The following ASIC2 variants were observed in gnomAD, a reference collection of about 807,000 sequenced individuals.
The protein encoded by ASIC2 is acid sensing ion channel subunit 2, also known as acid-sensing ion channel 2.
In ASIC2, 25 loss-of-function variants were observed where a neutral mutation model predicts 57.3. That is an observed-to-expected ratio of 0.44 (90% CI 0.32 to 0.61). ASIC2 has a LOEUF of 0.61. Among genes scored for constraint, ASIC2 ranks in the 20% least tolerant of loss-of-function variants. The pLI is 0.06. For synonymous variants in ASIC2, 319 were observed against 307.5 expected (o/e 1.04, Z -0.39); for missense variants, 641 against 738.1 (o/e 0.87, Z 1.52).
At chr17:33,790,706 G>A (rs1911744616) in intron 1 of ASIC2, among the ~76,000 whole-genome samples, 2 of 152,008 alleles carry the variant, frequency 1.3e-5, no homozygotes, top group Non-Finnish European at 2.9e-5. Context: ...ACACATCTCA[G>A]ATATACATTA....
chr17:33,755,234 A>G (rs1211831654), intron 1 of ASIC2, among the ~76,000 whole-genome samples: 2 of 152,164 alleles, frequency 1.3e-5, no homozygotes, highest in South Asian at 2.1e-4. Flanking sequence ...AGCCACCAAA[A>G]AGCTGTAAGA....
At chr17:33,791,754 T>C (rs2142137133) in intron 1 of ASIC2, 1 of 152,006 alleles carries the variant, frequency 6.6e-6, no homozygotes, top group South Asian at 2.1e-4. Flanking sequence ...CATTTATTTC[T>C]TTAAAGTGCT....
chr17:33,305,919 C>T (rs573963116), intron 1 of ASIC2, among the ~76,000 whole-genome samples: 2 of 152,282 alleles, frequency 1.3e-5, no homozygotes, highest in South Asian at 4.1e-4. Context: ...AAAAGCTTCC[C>T]TATAGCCATT....
chr17:33,357,788 A>T (rs60620763), intron 1 of ASIC2, among the ~76,000 whole-genome samples: 26,671 of 152,068 alleles, frequency 0.18, 3,009 homozygotes, highest in East Asian at 0.49. Context: ...TATATAATAA[A>T]CTTCCATTAT....
intron 1 of ASIC2, among the ~76,000 whole-genome samples, chr17:33,779,286 G>T (rs763216083): frequency 6.6e-6 from 1 of 152,066 alleles, no homozygotes; most frequent in Non-Finnish European, 1.5e-5. Context: ...CAGTTCTTCA[G>T]CTGCCCTCCA....
At chr17:33,021,108 G>T in intron 7 of ASIC2, 111 bp downstream of exon 7, 2 of 720,866 alleles carry the variant, frequency 2.8e-6, no homozygotes, top group Non-Finnish European at 2.3e-6. Context: ...CAAAAGGTTA[G>T]ACTCCTCCGA....
chr17:33,358,057 CT>C (rs1908454691), intron 1 of ASIC2, among the ~76,000 whole-genome samples: 2 of 152,184 alleles, frequency 1.3e-5, no homozygotes, highest in African/African-American at 4.8e-5. Flanking sequence ...TATTCTGGAT[CT>C]GGGGGTTGGC....
Position 33,291,449 on chromosome 17 carries a change from T to G in ASIC2, c.667A>C (p.Lys223Gln), listed in dbSNP as rs1905441359. 6.2e-7 allele frequency: 1 copy of G among 1,610,880 alleles called. No individual in the cohort carries two copies. The highest frequency in any genetic ancestry group is 8.5e-7 in the Non-Finnish European group (1 of 1,179,010). ...HQLEDMLLSC[K>Q]YRGELCGPHN... ...GGCCCGCAGAGCTCGCCGCGGTACT[T>G]GCAGGAGAGCAGCATGTCCTCCAGC... is the stretch of plus-strand genomic sequence containing the variant. The change falls in exon 1 of 10, where the codon AAG (lysine) becomes CAG (glutamine). Residue 223 changes from lysine to glutamine, a missense_variant. Lys to Gln is a moderately conservative substitution (Grantham distance 53). This residue lies in a region of ASIC2 where 382 missense variants were observed against 398.0 expected (regional missense o/e 0.96). Coordinates refer to ENST00000225823, the MANE Select transcript of ASIC2 (RefSeq NM_183377.2).
At chr17:33,603,154 A>T (rs12453342) in intron 1 of ASIC2, among the ~76,000 whole-genome samples, 1 of 152,222 alleles carries the variant, frequency 6.6e-6, no homozygotes, top group Admixed American at 6.5e-5. Flanking sequence ...ATTCACTGTG[A>T]CTGGTTGTCA....
chr17:33,612,328 T>C (rs1486329755), intron 1 of ASIC2, among the ~76,000 whole-genome samples: 2 of 152,212 alleles, frequency 1.3e-5, no homozygotes, highest in Non-Finnish European at 2.9e-5. Flanking sequence ...GTGGTTCTTT[T>C]ACCAGGAGTG....
intron 1 of ASIC2, among the ~76,000 whole-genome samples, chr17:34,125,682 CTTATAAAGGAGGAAG>C (rs1461105261): frequency 1.3e-5 from 2 of 152,274 alleles, no homozygotes; most frequent in East Asian, 3.9e-4. Flanking sequence ...TGATTCCTAT[CTTATAAAGGAGGAAG>C]TTGAGGTGTA....
intron 5 of ASIC2, 87 bp downstream of exon 5, chr17:33,025,839 T>C (rs2091856839): frequency 3.7e-6 from 5 of 1,334,530 alleles, no homozygotes; most frequent in Non-Finnish European, 4.1e-6. Context: ...TTCTTCCACT[T>C]GATCTTTCCC....
chr17:33,655,795 T>C (rs1907056381), intron 1 of ASIC2, among the ~76,000 whole-genome samples: 1 of 152,178 alleles, frequency 6.6e-6, no homozygotes, highest in African/African-American at 2.4e-5. Context: ...GAATATTGAG[T>C]GTTCTTTCTA....
chr17:33,069,170 A>C (rs2092057104), intron 3 of ASIC2, among the ~76,000 whole-genome samples: 1 of 152,148 alleles, frequency 6.6e-6, no homozygotes, highest in African/African-American at 2.4e-5. Context: ...TTATTGTTTT[A>C]ACTTAATTTC....
At chr17:33,086,564 C>T (rs1387139558) in intron 3 of ASIC2, among the ~76,000 whole-genome samples, 1 of 152,180 alleles carries the variant, frequency 6.6e-6, no homozygotes, top group African/African-American at 2.4e-5. Flanking sequence ...TCTCCTTGAC[C>T]AGACTCTAGC....
At chr17:33,752,322 A>T (rs1299140055) in intron 1 of ASIC2, among the ~76,000 whole-genome samples, 1 of 152,128 alleles carries the variant, frequency 6.6e-6, no homozygotes, top group African/African-American at 2.4e-5. Flanking sequence ...ACTTCTTCTA[A>T]CCCCTTTCTC....
chr17:33,650,223 C>T (rs74998884), intron 1 of ASIC2, among the ~76,000 whole-genome samples: 1 of 152,090 alleles, frequency 6.6e-6, no homozygotes, highest in Non-Finnish European at 1.5e-5. Flanking sequence ...CAAATAAGCA[C>T]ATGAAAAATG....
At chr17:33,371,620 C>G (rs753323245) in intron 1 of ASIC2, among the ~76,000 whole-genome samples, 2 of 152,146 alleles carry the variant, frequency 1.3e-5, no homozygotes, top group Non-Finnish European at 2.9e-5. Context: ...CATACTGGTG[C>G]TCATCAGGGC....
intron 1 of ASIC2, among the ~76,000 whole-genome samples, chr17:33,904,569 C>T (rs1915307819): frequency 6.6e-6 from 1 of 152,100 alleles, no homozygotes; most frequent in African/African-American, 2.4e-5. Flanking sequence ...CTGGTCTAAC[C>T]CAGACGAATG....
Sources: gnomAD v4.1 joint callset for allele counts (sites outside exome capture counted in the v4.1 genomes callset) on GRCh38, gnomAD v4.1.1 for gene constraint, gnomAD v4.1.1 regional missense constraint, MANE v1.5 for transcripts, NCBI Gene and HGNC (gene_info 2026-07-23, HGNC 2026-07-21) for gene names.